C1QTNF5: variants seen among roughly 807,000 people sequenced by gnomAD.
The protein encoded by C1QTNF5 is complement C1q tumor necrosis factor-related protein 5.
C1QTNF5 carries 5 observed loss-of-function variants against 10.9 expected under a neutral mutation model. That is an observed-to-expected ratio of 0.46 (90% confidence interval 0.24 to 0.97). The LOEUF is 0.97. C1QTNF5 is among the 50% of genes least tolerant of loss of function. C1QTNF5 has a pLI of 0.19. For missense variants in C1QTNF5, 281 were observed against 339.4 expected (o/e 0.83, Z 1.35); for synonymous variants, 161 against 156.5 (o/e 1.03, Z -0.22).
At chr11:119,341,701 G>T, upstream of C1QTNF5, 1 of 1,613,130 alleles carries the variant, frequency 6.2e-7, no homozygotes, top group Non-Finnish European at 8.5e-7. Context: ...TGCCTAGTGG[G>T]GTGCAACGGG....
At chr11:119,344,639 C>T, upstream of C1QTNF5, 2 of 1,614,060 alleles carry the variant, frequency 1.2e-6, no homozygotes, top group Non-Finnish European at 1.7e-6. Flanking sequence ...TACCCGAGAA[C>T]TTGGCACTGC....
chr11:119,346,217 T>C, the C1QTNF5 span: 16 of 1,568,944 alleles, frequency 1.0e-5, no homozygotes, highest in Admixed American at 3.0e-4. Context: ...CCTCATGCTG[T>C]CCTTGGCTCC....
chr11:119,339,721 C>G lies in C1QTNF5; in HGVS notation c.342G>C (p.Arg114=). ...AGGGTGCGTCAGACGGCGGAGGCAC[C>G]CGGCTCTCGGAGCGCTTGGCGCTGA... ...SAFSAKRSES[R]VPPPSDAPLP... is the part of the protein sequence containing the mutation. The change falls in exon 3 of 3, where the codon CGG becomes CGC. Residue 114 remains arginine, a synonymous_variant. Coordinates refer to ENST00000528368, the MANE Select transcript of C1QTNF5 (RefSeq NM_001278431.2). The surrounding 1 kb of genome is among the most constrained non-coding windows in gnomAD (Gnocchi z 5.4). The G allele has an allele frequency of 6.2e-7, 1 of 1,601,866 alleles. No homozygotes were observed. Among genetic ancestry groups the G allele is most frequent in the Non-Finnish European group, 8.5e-7 (1 of 1,178,552 alleles).
the C1QTNF5 span, chr11:119,346,125 G>C: frequency 1.3e-4 from 201 of 1,603,890 alleles, no homozygotes; most frequent in East Asian, 3.8e-3. Context: ...GCCAGGAGAA[G>C]CGGCAGTCTG....
upstream of C1QTNF5, chr11:119,343,958 T>G (rs750097436): frequency 6.2e-7 from 1 of 1,611,226 alleles, no homozygotes; most frequent in East Asian, 2.2e-5. Flanking sequence ...ATATGCCAGG[T>G]GCAGAGCTGG....
chr11:119,344,248 A>T, upstream of C1QTNF5: 2 of 1,432,044 alleles, frequency 1.4e-6, no homozygotes, highest in Non-Finnish European at 9.9e-7. Context: ...CATTCCCATT[A>T]CACTAACTTG....
chr11:119,340,591 C>T lies in C1QTNF5; in HGVS notation c.-44+104G>A, dbSNP rs1048361722. 35 of 599,938 alleles carry T rather than the reference C, an allele frequency of 5.8e-5. No homozygotes were observed. The African/African-American group carries it at 6.3e-4, about 11-fold the overall frequency. 37.2% of individuals were successfully genotyped at this position (599,938 alleles called of 1,614,324 possible). A position where few individuals can be genotyped will look rare whatever the true frequency, so the allele number is the denominator to read the frequency against. On this transcript the variant is annotated intron_variant, in intron 1 of 2. Transcript: ENST00000528368. ...CGAGCATCCGGAGAGCACAGGCAGG[C>T]GCGAGAGGGTGGGAGCGGCCAGCCC...
At chr11:119,344,288 C>T (rs899880809), upstream of C1QTNF5, 5 of 1,607,446 alleles carry the variant, frequency 3.1e-6, no homozygotes, top group Non-Finnish European at 4.3e-6. Context: ...TGTGCCCCTC[C>T]CGTTCTGCAT....
Position 119,339,829 on chromosome 11 carries a change from C to T in C1QTNF5, c.234G>A (p.Gly78=). The T allele has an allele frequency of 2.7e-6, 4 of 1,505,910 alleles. No homozygotes were observed. The highest frequency in any genetic ancestry group is 1.3e-5 in the South Asian group (1 of 78,892). 93.3% of individuals were successfully genotyped at this position (1,505,910 alleles called of 1,614,324 possible). A position where few individuals can be genotyped will look rare whatever the true frequency, so the allele number is the denominator to read the frequency against. Residue 78 remains glycine, a synonymous_variant, in exon 3 of 3, where the codon GGG becomes GGA. Coordinates refer to ENST00000528368, the MANE Select transcript of C1QTNF5 (RefSeq NM_001278431.2). The surrounding 1 kb of genome is among the most constrained non-coding windows in gnomAD (Gnocchi z 5.4). The part of the protein sequence containing the change: ...GGRPGLPGPR[G]DPGPRGEAGP... ...CCGCCTCTCCTCGCGGCCCGGGGTC[C>T]CCTCGAGGTCCCGGCAGTCCTGCGG...
At chr11:119,342,454 A>C, upstream of C1QTNF5, 4 of 1,036,802 alleles carry the variant, frequency 3.9e-6, no homozygotes, top group Non-Finnish European at 5.6e-6. Flanking sequence ...GACTCTGTGA[A>C]GTGGTCCCAG....
At chr11:119,346,435 G>A in the C1QTNF5 span, 2 of 1,613,922 alleles carry the variant, frequency 1.2e-6, no homozygotes, top group African/African-American at 1.3e-5. Context: ...TGGGTCTTAG[G>A]AGCACGATTC....
upstream of C1QTNF5, chr11:119,344,087 G>C: frequency 7.5e-7 from 1 of 1,329,404 alleles, no homozygotes; most frequent in Admixed American, 1.9e-5. Flanking sequence ...ATCATTGGTG[G>C]TTCTTAAGGA....
At chr11:119,342,813 C>G (rs1006954954), upstream of C1QTNF5, 35 of 1,613,004 alleles carry the variant, frequency 2.2e-5, no homozygotes, top group Non-Finnish European at 2.6e-5. Flanking sequence ...GTCCAGAGCC[C>G]TTGTCTGTCC....
chr11:119,343,707 A>T (rs1329168255), upstream of C1QTNF5: 2 of 1,391,074 alleles, frequency 1.4e-6, no homozygotes, highest in African/African-American at 2.8e-5. Context: ...GGCCTGGAGT[A>T]GCAGAAGAAA....
At chr11:119,342,208 A>G (rs1294874618), upstream of C1QTNF5, among the ~76,000 whole-genome samples, 1 of 152,206 alleles carries the variant, frequency 6.6e-6, no homozygotes, top group Non-Finnish European at 1.5e-5. Context: ...TCATGCAGGC[A>G]CGTCTTTAAT....
In C1QTNF5 at chr11:119,339,547, G is replaced by C; in HGVS notation, c.516C>G (p.Gly172=). The change falls in exon 3 of 3, where the codon GGC becomes GGG. Residue 172 remains glycine, a synonymous_variant. Coordinates refer to ENST00000528368, the MANE Select transcript of C1QTNF5 (RefSeq NM_001278431.2). This position sits in a 1 kb window ranked among gnomAD's most constrained non-coding sequence, Gnocchi z 5.4. ...ASLQFDLVKN[G]ESIASFFQFF... Reference sequence around the variant, plus strand: ...ACTGGAAGAAAGAGGCAATGGATTCGCCATTCTTCACCAGATCAAACTGCA... The same window carrying C: ...ACTGGAAGAAAGAGGCAATGGATTCCCCATTCTTCACCAGATCAAACTGCA... 6.2e-7 allele frequency: 1 copy of C among 1,613,606 alleles called. No individual in the cohort carries two copies. The highest frequency in any genetic ancestry group is 8.5e-7 in the Non-Finnish European group (1 of 1,180,032).
At chr11:119,345,474 G>C (rs752088544), upstream of C1QTNF5, 4 of 1,614,098 alleles carry the variant, frequency 2.5e-6, no homozygotes, top group Admixed American at 6.7e-5. Context: ...AAAAAGGCAA[G>C]AGGCCACACT....
chr11:119,340,412 G>A lies in C1QTNF5; in HGVS notation c.-15C>T, dbSNP rs1002147275. ...AGTGGCCTCATAGCGCTGGCACCGG[G>A]AGCCCGGACGCCGGGGTCCTCTCGC... On this transcript the variant is annotated 5_prime_UTR_variant, in exon 2 of 3. Transcript: ENST00000528368. 6 of 1,542,478 alleles carry A rather than the reference G, an allele frequency of 3.9e-6. No individual in the cohort carries two copies. The Admixed American group carries it at 1.2e-4, about 30-fold the overall frequency.
chr11:119,340,328 T>C lies in C1QTNF5; in HGVS notation c.70A>G (p.Ile24Val). 6.5e-7 allele frequency: 1 copy of C among 1,542,784 alleles called. No individual in the cohort carries two copies. The highest frequency in any genetic ancestry group is 8.7e-7 in the Non-Finnish European group (1 of 1,144,874). Residue 24 changes from isoleucine to valine, a missense_variant, in exon 2 of 3, where the codon ATC becomes GTC. By Grantham distance (29) the Ile-to-Val change is conservative. Transcript: ENST00000528368. Reference protein sequence around the residue: ...AGSPPLDDNKIPSLCPGHPGL... With the variant: ...AGSPPLDDNKVPSLCPGHPGL... The stretch of plus-strand genomic sequence containing the variant: ...GGGTGCCCCGGGCAGAGGCTGGGGA[T>C]CTTGTTGTCGTCCAGTGGGGGCGAG...
Sources: allele counts gnomAD v4.1 joint callset (sites outside exome capture counted in the v4.1 genomes callset), GRCh38; gene constraint gnomAD v4.1.1; non-coding constraint Gnocchi (gnomAD v3.1); transcripts MANE v1.5; gene names NCBI Gene and HGNC (gene_info 2026-07-23, HGNC 2026-07-21).